The following IMPG2 variants were observed in gnomAD, a reference collection of about 807,000 sequenced individuals.
IMPG2 encodes the protein IPM 200.
IMPG2 carries 91 observed loss-of-function variants against 129.2 expected under a neutral mutation model. The ratio of observed to expected loss-of-function variants is 0.70; its 90% CI spans 0.59 to 0.84. The LOEUF (loss-of-function observed/expected upper bound fraction) is 0.84. Among genes scored for constraint, IMPG2 ranks in the 40% least tolerant of loss-of-function variants. The pLI is 0.00. For synonymous variants in IMPG2, 510 were observed against 517.7 expected, an observed-to-expected ratio of 0.99 and a Z score of 0.20; for missense variants, 1,430 against 1,461.7, an observed-to-expected ratio of 0.98 and a Z score of 0.35.
intron 3 of IMPG2, among the ~76,000 whole-genome samples, chr3:101,297,959 AT>A: frequency 6.6e-6 from 1 of 152,260 alleles, no homozygotes; most frequent in East Asian, 1.9e-4. Flanking sequence ...ATCCTTGTTA[AT>A]TTTCTGTCTT....
chr3:101,249,495 G>A (rs1706520923), intron 11 of IMPG2, among the ~76,000 whole-genome samples: 1 of 151,886 alleles, frequency 6.6e-6, no homozygotes, highest in Non-Finnish European at 1.5e-5. Context: ...TCTGGAAAGG[G>A]AAAAGAAAAG....
Position 101,223,454 on chromosome 3 carries a change from C to T in IMPG2, c.*3515G>A, listed in dbSNP as rs1187240998. ...GGAATAAATATGTTGTCTTCTCTTC[C>T]GTTGCAAAATGAAAATTCAATTCAG... On this transcript the variant is annotated 3_prime_UTR_variant, in exon 19 of 19. Transcript: ENST00000193391. The T allele has an allele frequency of 2.0e-5, 3 of 152,048 alleles. No individual in the cohort carries two copies. Among genetic ancestry groups the T allele is most frequent in the East Asian group, 1.9e-4 (1 of 5,196 alleles). 9.4% of individuals were successfully genotyped at this position (152,048 alleles called of 1,614,324 possible).
Position 101,319,720 on chromosome 3 carries a change from C to T in IMPG2, c.198G>A (p.Leu66=), listed in dbSNP as rs1576776563. 1 of 1,613,690 alleles carries T rather than the reference C, an allele frequency of 6.2e-7. No homozygotes were observed. The highest frequency in any genetic ancestry group is 8.5e-7 in the Non-Finnish European group (1 of 1,179,824). The change falls in exon 2 of 19, where the codon CTG becomes CTA. Residue 66 remains leucine, a synonymous_variant. Coordinates refer to ENST00000193391, the MANE Select transcript of IMPG2 (RefSeq NM_016247.4). Reference sequence around the variant, plus strand: ...ACTGTCTTTCAGTTTCTCTGCGGTCCAGAGGCTGTTTCTTTTTGGTAGCTA... The same window carrying T: ...ACTGTCTTTCAGTTTCTCTGCGGTCTAGAGGCTGTTTCTTTTTGGTAGCTA... ...LSLATKKKQP[L]DRRETERQWL...
chr3:101,262,296 G>A (rs1706678636), intron 9 of IMPG2, among the ~76,000 whole-genome samples: 1 of 151,904 alleles, frequency 6.6e-6, no homozygotes, highest in Non-Finnish European at 1.5e-5. Flanking sequence ...TTAAAATAAT[G>A]AGTACATTTT....
At chr3:101,236,878 C>A (rs987165623) in intron 14 of IMPG2, among the ~76,000 whole-genome samples, 2 of 152,152 alleles carry the variant, frequency 1.3e-5, no homozygotes, top group African/African-American at 2.4e-5. Flanking sequence ...CCGTTTACTG[C>A]CCTGGAAAGG....
At position 101,224,402 on chromosome 3, in the gene IMPG2, AT is replaced by A. The variant is rs886057672; in HGVS notation, c.*2566del. ...ATTTTATTGCTAACTGCATTTTAGT[AT>A]TTTCACATAAGGTGATAGTCTTGTT... On this transcript the variant is annotated 3_prime_UTR_variant, in exon 19 of 19. Coordinates refer to ENST00000193391, the MANE Select transcript of IMPG2 (RefSeq NM_016247.4). 6.6e-6 allele frequency: 1 copy of A among 152,216 alleles called. No homozygotes were observed. Among genetic ancestry groups the A allele is most frequent in the Admixed American group, 6.5e-5 (1 of 15,282 alleles). 9.4% of individuals were successfully genotyped at this position (152,216 alleles called of 1,614,324 possible).
At chr3:101,264,585 T>C (rs1706702934) in intron 9 of IMPG2, among the ~76,000 whole-genome samples, 1 of 151,948 alleles carries the variant, frequency 6.6e-6, no homozygotes, top group Admixed American at 6.6e-5. Flanking sequence ...ATGCCACAAC[T>C]AACATCATAC....
At chr3:101,227,085 T>C in intron 18 of IMPG2, 104 bp from the exon 19 acceptor site, 1 of 1,228,054 alleles carries the variant, frequency 8.1e-7, no homozygotes, top group Non-Finnish European at 1.2e-6. Context: ...AAATCATGAA[T>C]ACTTTCTATT....
intron 17 of IMPG2, 67 bp downstream of exon 17, chr3:101,229,313 A>T: frequency 2.5e-6 from 1 of 401,324 alleles, no homozygotes; most frequent in South Asian, 1.9e-5. Flanking sequence ...CCCACCCACC[A>T]CCCCCTGCTC....
intron 9 of IMPG2, among the ~76,000 whole-genome samples, chr3:101,264,961 T>C (rs539335176): frequency 1.3e-5 from 2 of 150,694 alleles, no homozygotes; most frequent in South Asian, 4.2e-4. Context: ...ACAAGAAAAA[T>C]AAAATACGTA....
Position 101,269,545 on chromosome 3 carries a change from C to A in IMPG2, c.857G>T (p.Gly286Val), listed in dbSNP as rs1250059859. Reference protein sequence around the residue: ...EVENAFTGLPGYKEIRVLEFR... With the variant: ...EVENAFTGLPVYKEIRVLEFR... ...TTCAAGTACACGAATTTCCTTGTAG[C>A]CTGGTAACCCAGTAAATGCATTTTC... The change falls in exon 8 of 19, where the codon GGC (glycine) becomes GTC (valine). Residue 286 changes from glycine (G) to valine (V), a missense_variant. Gly to Val is a moderately radical substitution (Grantham distance 109, BLOSUM62 -3). Transcript: ENST00000193391. 1 of 1,596,556 alleles carries A rather than the reference C, an allele frequency of 6.3e-7. No individual in the cohort carries two copies. The highest frequency in any genetic ancestry group is 8.6e-7 in the Non-Finnish European group (1 of 1,164,524).
chr3:101,279,309 G>A (rs1375135623), intron 4 of IMPG2, among the ~76,000 whole-genome samples: 2 of 152,192 alleles, frequency 1.3e-5, no homozygotes, highest in Non-Finnish European at 2.9e-5. Context: ...GGAAACTAAT[G>A]CTAGAAGAGG....
chr3:101,316,354 A>G (rs1220555864), intron 2 of IMPG2, among the ~76,000 whole-genome samples: 1 of 152,102 alleles, frequency 6.6e-6, no homozygotes, highest in Non-Finnish European at 1.5e-5. Context: ...TATGCAAAAT[A>G]TATGTTTGAC....
chr3:101,320,106 C>G (rs1256280144), intron 1 of IMPG2, among the ~76,000 whole-genome samples, 182 bp downstream of exon 1: 1 of 152,002 alleles, frequency 6.6e-6, no homozygotes, highest in Non-Finnish European at 1.5e-5. Context: ...CCAGAAATTA[C>G]TAATGAGGGA....
At chr3:101,257,146 A>C (rs75845176) in intron 10 of IMPG2, among the ~76,000 whole-genome samples, 1 of 151,316 alleles carries the variant, frequency 6.6e-6, no homozygotes, top group Non-Finnish European at 1.5e-5. Context: ...CTTTTTCTCT[A>C]CACTCTGATT....
In IMPG2 at chr3:101,269,925, T is replaced by TC. The variant is rs1706762785; in HGVS notation, c.829-353dup. Among the ~76,000 whole-genome samples the TC allele has an allele frequency of 4.1e-5, 6 of 146,870 alleles. 1 individual carries two copies. In the South Asian group the frequency reaches 1.1e-3, roughly 26 times the overall value. The stretch of plus-strand genomic sequence containing the variant: ...GTAATAGCATTTTATTTTATTTTAT[T>TC]CTTTTTTTTTTTTTTTTTTTTTTGA... On this transcript the variant is annotated intron_variant, in intron 7 of 18. Transcript: ENST00000193391.
At chr3:101,282,786 A>T (rs1706906098) in intron 4 of IMPG2, among the ~76,000 whole-genome samples, 1 of 152,128 alleles carries the variant, frequency 6.6e-6, no homozygotes, top group East Asian at 1.9e-4. Context: ...ACCTTAGTTC[A>T]CCCATGAGTT....
chr3:101,315,237 G>A (rs530594031), intron 2 of IMPG2, among the ~76,000 whole-genome samples: 1 of 152,278 alleles, frequency 6.6e-6, no homozygotes, highest in East Asian at 1.9e-4. Context: ...AGCTGAGGCA[G>A]GTATTCTGGT....
In IMPG2 at chr3:101,246,007, G is replaced by T. The variant is rs536259279; in HGVS notation, c.1338C>A (p.Gly446=). 2 of 1,614,140 alleles carry T rather than the reference G, an allele frequency of 1.2e-6. No individual in the cohort carries two copies. The highest frequency in any genetic ancestry group is 3.3e-5 in the Admixed American group (2 of 60,018). ...AAGGACTTTCTGACCAGAGTTCCCT[G>T]CCAGTGGCTGAGGGAGGACCAGAGC... The part of the protein sequence containing the change: ...DFSSGPPSAT[G]RELWSESPLG... Residue 446 remains glycine (G), a synonymous_variant, in exon 12 of 19, where the codon GGC becomes GGA. Transcript: ENST00000193391.
Sources: gnomAD v4.1 joint callset for allele counts (sites outside exome capture counted in the v4.1 genomes callset) on GRCh38, gnomAD v4.1.1 for gene constraint, MANE v1.5 for transcripts, NCBI Gene and HGNC (gene_info 2026-07-23, HGNC 2026-07-21) for gene names.